Variants in KCNAB1 observed in about 807,000 individuals in gnomAD.
KCNAB1 encodes the protein voltage-gated potassium channel subunit beta-1.
Under a neutral mutation model 64.6 loss-of-function variants are expected in KCNAB1, and 35 were observed. That is an observed-to-expected ratio of 0.54 (90% CI 0.41 to 0.72). The LOEUF (loss-of-function observed/expected upper bound fraction) is 0.72. Among genes scored for constraint, KCNAB1 ranks in the 30% least tolerant of loss-of-function variants. The pLI is 0.00. For missense variants in KCNAB1, 401 were observed against 512.9 expected, an observed-to-expected ratio of 0.78 and a Z score of 2.11; for synonymous variants, 177 against 183.8, an observed-to-expected ratio of 0.96 and a Z score of 0.30.
intron 1 of KCNAB1, among the ~76,000 whole-genome samples, chr3:156,382,675 T>C (rs1385741990): frequency 6.6e-6 from 1 of 152,062 alleles, no homozygotes; most frequent in African/African-American, 2.4e-5. Context: ...ATGGGAACAG[T>C]TCTGGCCACT....
intron 13 of KCNAB1, among the ~76,000 whole-genome samples, chr3:156,536,194 T>C (rs944359738): frequency 1.3e-5 from 2 of 152,346 alleles, no homozygotes; most frequent in Non-Finnish European, 2.9e-5. Context: ...GGAAAGATGG[T>C]GAGTCCAAAC....
intron 1 of KCNAB1, among the ~76,000 whole-genome samples, chr3:156,321,404 G>A (rs146628098): frequency 1.2e-3 from 186 of 152,232 alleles, no homozygotes; most frequent in Non-Finnish European, 1.9e-3. Context: ...ACATCTCTGA[G>A]GCAAATACTC....
At chr3:156,305,220 TAGAC>T (rs1203736898) in intron 1 of KCNAB1, among the ~76,000 whole-genome samples, 4 of 152,170 alleles carry the variant, frequency 2.6e-5, no homozygotes, top group African/African-American at 7.2e-5. Context: ...ATGGGACAAA[TAGAC>T]AAGAAAAAAA....
intron 1 of KCNAB1, among the ~76,000 whole-genome samples, chr3:156,327,852 C>T (rs762588230): frequency 6.6e-6 from 1 of 152,200 alleles, no homozygotes; most frequent in Middle Eastern, 3.4e-3. Flanking sequence ...GCTTATCTCC[C>T]TTGTTTCAAG....
At chr3:156,303,501 C>T (rs903935006) in intron 1 of KCNAB1, among the ~76,000 whole-genome samples, 3 of 152,104 alleles carry the variant, frequency 2.0e-5, no homozygotes, top group Admixed American at 6.6e-5. Flanking sequence ...GAGGAAATGG[C>T]TCCTGGGGGA....
intron 1 of KCNAB1, among the ~76,000 whole-genome samples, chr3:156,222,080 T>A (rs1358194599): frequency 6.6e-6 from 1 of 152,150 alleles, no homozygotes; most frequent in Non-Finnish European, 1.5e-5. Context: ...CACATTTCAA[T>A]ATCAACATTG....
At chr3:156,236,930 T>G (rs1716885060) in intron 1 of KCNAB1, among the ~76,000 whole-genome samples, 1 of 152,190 alleles carries the variant, frequency 6.6e-6, no homozygotes, top group Non-Finnish European at 1.5e-5. Context: ...AACAAAAGTC[T>G]TGCAAATAGG....
intron 1 of KCNAB1, among the ~76,000 whole-genome samples, chr3:156,320,451 C>T (rs1408672130): frequency 6.6e-6 from 1 of 152,226 alleles, no homozygotes; most frequent in Admixed American, 6.5e-5. Flanking sequence ...TATTTGAGGA[C>T]AGCTTCCTTG....
intron 1 of KCNAB1, among the ~76,000 whole-genome samples, chr3:156,284,337 G>C (rs1167495249): frequency 6.6e-6 from 1 of 152,216 alleles, no homozygotes. Context: ...CAGATCTCCA[G>C]CTGCGTGCTC....
intron 1 of KCNAB1, among the ~76,000 whole-genome samples, chr3:156,395,443 G>C (rs1166693938): frequency 6.8e-6 from 1 of 147,766 alleles, no homozygotes; most frequent in African/African-American, 2.5e-5. Context: ...TACTTGGGAG[G>C]CTGAGGCAGG....
In KCNAB1 at chr3:156,435,888, T is replaced by G. The variant is rs756666006; in HGVS notation, c.319+14229T>G. On this transcript the variant is annotated intron_variant, in intron 2 of 13. Transcript: ENST00000490337. ...TTTTTACCCCATCAACATTTTCTTCTGCTCCATCTAAAAGTCTATGTCTAT... is the reference window on the plus strand; with the variant it reads ...TTTTTACCCCATCAACATTTTCTTCGGCTCCATCTAAAAGTCTATGTCTAT... Among the ~76,000 whole-genome samples the G allele has an allele frequency of 1.4e-4, 21 of 152,350 alleles. No individual in the cohort carries two copies. In the South Asian group the frequency reaches 1.7e-3, roughly 12 times the overall value.
Position 156,120,682 on chromosome 3 carries a change from C to T in KCNAB1, c.71C>T (p.Ser24Phe), listed in dbSNP as rs1713285197. 1 of 1,614,240 alleles carries T rather than the reference C, an allele frequency of 6.2e-7. No homozygotes were observed. The highest frequency in any genetic ancestry group is 1.1e-5 in the South Asian group (1 of 91,078). Residue 24 changes from serine to phenylalanine, a missense_variant, in exon 1 of 14, where the codon TCT becomes TTT. By Grantham distance (155) the Ser-to-Phe change is radical. Coordinates refer to ENST00000490337, the MANE Select transcript of KCNAB1 (RefSeq NM_172160.3). ...GAGAACACCAAGTTAAGGAGACAGT[C>T]TGGGTTTTCTGTAGCAGGGAAAGAC... ...SEENTKLRRQ[S>F]GFSVAGKDKS...
At chr3:156,426,628 A>G (rs1456325293) in intron 2 of KCNAB1, among the ~76,000 whole-genome samples, 1 of 152,142 alleles carries the variant, frequency 6.6e-6, no homozygotes, top group African/African-American at 2.4e-5. Context: ...TGTCTTGCCT[A>G]TTCATCCCTC....
chr3:156,341,254 A>G (rs556482966), intron 1 of KCNAB1, among the ~76,000 whole-genome samples: 1 of 152,338 alleles, frequency 6.6e-6, no homozygotes, highest in East Asian at 1.9e-4. Flanking sequence ...AAATGCTGGT[A>G]GTAAGTCATT....
intron 1 of KCNAB1, among the ~76,000 whole-genome samples, chr3:156,183,677 T>G (rs767325564): frequency 1.4e-4 from 21 of 152,164 alleles, no homozygotes; most frequent in Non-Finnish European, 2.5e-4. Flanking sequence ...CAGGGGTTTG[T>G]AGTACAGAAC....
At chr3:156,531,321 C>A in intron 12 of KCNAB1, 88 bp from the exon 13 acceptor site, 1 of 986,656 alleles carries the variant, frequency 1.0e-6, no homozygotes, top group Non-Finnish European at 1.6e-6. Flanking sequence ...TAAATTTTGG[C>A]TGCAACAAAC....
chr3:156,197,226 G>T lies in KCNAB1; in HGVS notation c.275+76340G>T, dbSNP rs188527686. The stretch of plus-strand genomic sequence containing the variant: ...TGCTAGTATTTTATTGAGGATTTTT[G>T]CATTGATGTTCATCAGGGATATTGG... On this transcript the variant is annotated intron_variant, in intron 1 of 13. Coordinates refer to ENST00000490337, the MANE Select transcript of KCNAB1 (RefSeq NM_172160.3). 2.0e-5 allele frequency among the ~76,000 whole-genome samples: 3 copies of T among 152,260 alleles called. No individual in the cohort carries two copies. In the East Asian group the frequency reaches 5.8e-4, roughly 29 times the overall value.
chr3:156,221,912 C>T (rs1715789233), intron 1 of KCNAB1, among the ~76,000 whole-genome samples: 2 of 152,098 alleles, frequency 1.3e-5, no homozygotes, highest in African/African-American at 4.8e-5. Flanking sequence ...AACTGCTAGA[C>T]GGAGCACTAA....
intron 1 of KCNAB1, among the ~76,000 whole-genome samples, chr3:156,275,606 C>A (rs1002233732): frequency 6.6e-6 from 1 of 152,172 alleles, no homozygotes; most frequent in African/African-American, 2.4e-5. Flanking sequence ...ACCAAGCTTA[C>A]GGAATATTCT....
Sources: allele counts gnomAD v4.1 joint callset (sites outside exome capture counted in the v4.1 genomes callset), GRCh38; gene constraint gnomAD v4.1.1; transcripts MANE v1.5; gene names NCBI Gene and HGNC (gene_info 2026-07-23, HGNC 2026-07-21).